ASIC2: variants seen among roughly 807,000 people sequenced by gnomAD.
ASIC2 encodes acid sensing ion channel subunit 2.
ASIC2 carries 25 observed loss-of-function variants against 57.3 expected under a neutral mutation model. The ratio of observed to expected loss-of-function variants is 0.44; its 90% confidence interval spans 0.32 to 0.61. The LOEUF (loss-of-function observed/expected upper bound fraction) is 0.61. Among genes scored for constraint, ASIC2 ranks in the 20% least tolerant of loss-of-function variants. The pLI, the probability that ASIC2 is intolerant of heterozygous loss-of-function variation, is 0.06. For synonymous variants in ASIC2, 319 were observed against 307.5 expected (o/e 1.04, Z -0.39); for missense variants, 641 against 738.1 (o/e 0.87, Z 1.52).
chr17:33,854,662 C>A (rs911627961), intron 1 of ASIC2, among the ~76,000 whole-genome samples: 1 of 152,152 alleles, frequency 6.6e-6, no homozygotes, highest in African/African-American at 2.4e-5. Context: ...TCACATGTGT[C>A]TAAGCTGTGC....
intron 1 of ASIC2, among the ~76,000 whole-genome samples, chr17:33,337,521 G>A (rs990538748): frequency 4.6e-5 from 7 of 152,234 alleles, no homozygotes; most frequent in African/African-American, 1.7e-4. Context: ...GCCTCAGTTT[G>A]CTCAACTGTT....
chr17:34,122,806 A>G (rs1227899474), intron 1 of ASIC2, among the ~76,000 whole-genome samples: 2 of 152,324 alleles, frequency 1.3e-5, no homozygotes, highest in Admixed American at 6.5e-5. Context: ...AGATAAATCA[A>G]TTTTCATCAG....
intron 1 of ASIC2, among the ~76,000 whole-genome samples, chr17:34,154,856 G>A (rs935006533): frequency 2.0e-5 from 3 of 152,154 alleles, no homozygotes; most frequent in African/African-American, 7.2e-5. Flanking sequence ...CTGGACTTCT[G>A]GAGGGTCCCA....
intron 1 of ASIC2, among the ~76,000 whole-genome samples, chr17:33,231,078 T>C (rs1466831187): frequency 6.6e-6 from 1 of 152,092 alleles, no homozygotes; most frequent in Non-Finnish European, 1.5e-5. Flanking sequence ...CTCTTGTCCT[T>C]AGGGAGCTGA....
At chr17:33,671,081 A>G (rs1390451452) in intron 1 of ASIC2, among the ~76,000 whole-genome samples, 1 of 152,158 alleles carries the variant, frequency 6.6e-6, no homozygotes, top group Non-Finnish European at 1.5e-5. Flanking sequence ...CCTCTTATCT[A>G]TATCTGCAGC....
At chr17:33,840,799 C>CCACACA (rs10525634) in intron 1 of ASIC2, among the ~76,000 whole-genome samples, 190 of 147,584 alleles carry the variant, frequency 1.3e-3, no homozygotes, top group African/African-American at 3.3e-3. Flanking sequence ...CCTGGACACA[C>CCACACA]CACACACACA....
chr17:34,021,251 A>C (rs1427475261), intron 1 of ASIC2, among the ~76,000 whole-genome samples: 1 of 151,712 alleles, frequency 6.6e-6, no homozygotes, highest in Non-Finnish European at 1.5e-5. Flanking sequence ...ATAACAAACA[A>C]ATTAAAAAAA....
rs1908010501 is a variant in ASIC2 at position 34,039,330 on chromosome 17, G to A, written c.555+116648C>T. 3.1e-6 allele frequency: 5 copies of A among 1,613,856 alleles called. No homozygotes were observed. In the Admixed American group the frequency reaches 6.7e-5, roughly 22 times the overall value. The stretch of plus-strand genomic sequence containing the variant: ...TGCCAGATCCCGTAGATGAGGGACT[G>A]TTTTGCTGAGCTGAAACAAAAGTGA... On this transcript the variant is annotated intron_variant, in intron 1 of 9. Transcript: ENST00000359872.
At chr17:34,018,920 T>C (rs1035142110) in intron 1 of ASIC2, among the ~76,000 whole-genome samples, 1 of 152,134 alleles carries the variant, frequency 6.6e-6, no homozygotes, top group Non-Finnish European at 1.5e-5. Flanking sequence ...GTTTGTTTTT[T>C]TTTTTGAGAC....
chr17:33,610,688 A>AC (rs1052059521), intron 1 of ASIC2, among the ~76,000 whole-genome samples: 3 of 151,588 alleles, frequency 2.0e-5, no homozygotes, highest in African/African-American at 7.3e-5. Flanking sequence ...ACAAAAAGAG[A>AC]CCCCCAGATT....
intron 1 of ASIC2, among the ~76,000 whole-genome samples, chr17:33,388,947 TACTCCC>T (rs1909793189): frequency 6.6e-6 from 1 of 152,166 alleles, no homozygotes; most frequent in South Asian, 2.1e-4. Flanking sequence ...ATGAAGAAGT[TACTCCC>T]ACTCTTGTTT....
At chr17:33,399,212 C>T (rs1341469437) in intron 1 of ASIC2, among the ~76,000 whole-genome samples, 1 of 152,164 alleles carries the variant, frequency 6.6e-6, no homozygotes, top group Non-Finnish European at 1.5e-5. Flanking sequence ...GCCCTTCTTT[C>T]TCTACTGCCC....
intron 1 of ASIC2, among the ~76,000 whole-genome samples, chr17:33,969,118 A>C (rs1423551111): frequency 6.6e-6 from 1 of 152,200 alleles, no homozygotes; most frequent in Non-Finnish European, 1.5e-5. Flanking sequence ...CTCTCCAGGT[A>C]ATTACAAGCA....
At chr17:33,966,495 A>G (rs1428413093) in intron 1 of ASIC2, among the ~76,000 whole-genome samples, 2 of 152,248 alleles carry the variant, frequency 1.3e-5, no homozygotes, top group Non-Finnish European at 2.9e-5. Flanking sequence ...CCGAACCGCC[A>G]TAAAAACTGG....
At chr17:33,629,466 C>A (rs528969904) in intron 1 of ASIC2, among the ~76,000 whole-genome samples, 2 of 152,250 alleles carry the variant, frequency 1.3e-5, no homozygotes, top group Non-Finnish European at 2.9e-5. Context: ...TATAAAGTAT[C>A]TATAAAAATA....
rs967634113 is a variant in ASIC2, at chr17:33,873,977, C to A, written c.555+282001G>T. On this transcript the variant is annotated intron_variant, in intron 1 of 9. Coordinates refer to the ASIC2 transcript ENST00000359872. ...CCTGCCTGGAACCAGTTCTTTCAGG[C>A]TGAATTCTGCTTTTAGTCTTTCTCA... Among the ~76,000 whole-genome samples, 4 of 152,364 alleles carry A rather than the reference C, an allele frequency of 2.6e-5. No homozygotes were observed. In the South Asian group the frequency reaches 8.3e-4, roughly 32 times the overall value.
intron 1 of ASIC2, among the ~76,000 whole-genome samples, chr17:34,111,265 T>C (rs920486954): frequency 1.3e-5 from 2 of 148,164 alleles, no homozygotes; most frequent in African/African-American, 2.5e-5. Context: ...TAATAGTATA[T>C]ATTATATACA....
intron 1 of ASIC2, among the ~76,000 whole-genome samples, chr17:33,678,691 C>T (rs912392057): frequency 6.6e-6 from 1 of 152,080 alleles, no homozygotes; most frequent in African/African-American, 2.4e-5. Context: ...CCCTGAGGTT[C>T]GGTGAGGAGT....
chr17:34,076,443 C>T (rs990295320), intron 1 of ASIC2, among the ~76,000 whole-genome samples: 1 of 152,156 alleles, frequency 6.6e-6, no homozygotes, highest in African/African-American at 2.4e-5. Flanking sequence ...TTTCTCCAAG[C>T]TCATATCACT....
Sources: gnomAD v4.1 joint callset for allele counts (sites outside exome capture counted in the v4.1 genomes callset) on GRCh38, gnomAD v4.1.1 for gene constraint, MANE v1.5 for transcripts, NCBI Gene and HGNC (gene_info 2026-07-23, HGNC 2026-07-21) for gene names.